MTMR7: variants seen among roughly 807,000 people sequenced by gnomAD.
MTMR7 encodes the protein phosphatidylinositol-3-phosphate phosphatase MTMR7.
A neutral mutation model predicts 81.2 loss-of-function variants in MTMR7; 76 were observed. The observed-to-expected ratio is 0.94, with a 90% CI of 0.78 to 1.13. The LOEUF is 1.13. Among genes scored for constraint, MTMR7 ranks in the 50% most tolerant of loss-of-function variants. MTMR7 has a pLI of 0.00. For missense variants in MTMR7, 1,044 were observed against 820.0 expected, an observed-to-expected ratio of 1.27 and a Z score of -3.34; for synonymous variants, 372 against 289.8, an observed-to-expected ratio of 1.28 and a Z score of -2.88.
chr8:17,342,686 G>A (rs762597113), intron 5 of MTMR7, among the ~76,000 whole-genome samples: 3 of 152,096 alleles, frequency 2.0e-5, no homozygotes, highest in Non-Finnish European at 4.4e-5. Flanking sequence ...ATTGTCTGAG[G>A]GCGCCAACAC....
chr8:17,328,933 T>G (rs978571851), intron 7 of MTMR7, among the ~76,000 whole-genome samples: 1 of 152,060 alleles, frequency 6.6e-6, no homozygotes, highest in Admixed American at 6.6e-5. Context: ...AATTAGATCA[T>G]CTCTATAGAG....
chr8:17,329,389 C>T (rs543483867), intron 7 of MTMR7, among the ~76,000 whole-genome samples: 1 of 152,322 alleles, frequency 6.6e-6, no homozygotes, highest in African/African-American at 2.4e-5. Context: ...GGAAAAGTTA[C>T]GTGCAAGCAC....
At chr8:17,331,519 G>A (rs998370891) in intron 6 of MTMR7, among the ~76,000 whole-genome samples, 1 of 152,194 alleles carries the variant, frequency 6.6e-6, no homozygotes, top group African/African-American at 2.4e-5. Flanking sequence ...TAGCTGGAAA[G>A]CAGTCTACTG....
At chr8:17,348,128 A>G (rs1563350460) in intron 5 of MTMR7, among the ~76,000 whole-genome samples, 1 of 152,340 alleles carries the variant, frequency 6.6e-6, no homozygotes, top group African/African-American at 2.4e-5. Context: ...TAGAGTCTCT[A>G]TTACAGACAA....
chr8:17,366,897 A>C (rs1466315497), intron 3 of MTMR7, among the ~76,000 whole-genome samples: 1 of 151,586 alleles, frequency 6.6e-6, no homozygotes, highest in Non-Finnish European at 1.5e-5. Context: ...AAAAAAAAAA[A>C]ACTGTAGCTG....
chr8:17,328,201 A>G lies in MTMR7; in HGVS notation c.865+2949T>C, dbSNP rs916609166. On this transcript the variant is annotated intron_variant, in intron 7 of 13. Transcript: ENST00000180173. ...ATGTCCCTGTTGCTTCTTTCCTATCAGTGCCTGCTGACCTTCAGGGCAGAT... is the reference window on the plus strand; with the variant it reads ...ATGTCCCTGTTGCTTCTTTCCTATCGGTGCCTGCTGACCTTCAGGGCAGAT... Among the ~76,000 whole-genome samples, 10 of 150,682 alleles carry G rather than the reference A, an allele frequency of 6.6e-5. No individual in the cohort carries two copies. In the East Asian group the frequency reaches 2.0e-3, roughly 30 times the overall value.
chr8:17,360,818 G>T (rs1820036224), intron 4 of MTMR7, among the ~76,000 whole-genome samples: 2 of 152,062 alleles, frequency 1.3e-5, no homozygotes, highest in African/African-American at 4.8e-5. Context: ...ATGAGATCCA[G>T]GCCAGCTCTC....
intron 4 of MTMR7, among the ~76,000 whole-genome samples, chr8:17,360,486 T>C (rs1253224728): frequency 2.6e-5 from 4 of 151,606 alleles, no homozygotes; most frequent in Non-Finnish European, 5.9e-5. Context: ...GGGTTTTTTT[T>C]TTTCCTTTTG....
At chr8:17,320,512 T>C (rs2150507669) in intron 7 of MTMR7, among the ~76,000 whole-genome samples, 1 of 152,162 alleles carries the variant, frequency 6.6e-6, no homozygotes, top group African/African-American at 2.4e-5. Flanking sequence ...CATGTAATCG[T>C]AGTAAGGAGG....
intron 7 of MTMR7, among the ~76,000 whole-genome samples, chr8:17,323,772 G>C (rs1223123580): frequency 6.6e-6 from 1 of 152,118 alleles, no homozygotes; most frequent in Non-Finnish European, 1.5e-5. Flanking sequence ...CCCACCTAGA[G>C]CCTTATGGAG....
chr8:17,376,435 T>C (rs1322546471), intron 1 of MTMR7, among the ~76,000 whole-genome samples: 3 of 152,232 alleles, frequency 2.0e-5, no homozygotes, highest in African/African-American at 4.8e-5. Flanking sequence ...TATGCTTTCA[T>C]TTATCTTGGC....
At chr8:17,317,659 A>G (rs941599334) in intron 7 of MTMR7, among the ~76,000 whole-genome samples, 3 of 152,168 alleles carry the variant, frequency 2.0e-5, no homozygotes, top group Non-Finnish European at 2.9e-5. Flanking sequence ...CTGGGACCCA[A>G]TGAACTGCTT....
chr8:17,325,262 G>A (rs777494292), intron 7 of MTMR7, among the ~76,000 whole-genome samples: 1 of 152,104 alleles, frequency 6.6e-6, no homozygotes, highest in Non-Finnish European at 1.5e-5. Context: ...CATCCAACAT[G>A]TGACCGTCAT....
At chr8:17,383,842 A>C (rs1198371138) in intron 1 of MTMR7, among the ~76,000 whole-genome samples, 1 of 152,170 alleles carries the variant, frequency 6.6e-6, no homozygotes, top group Non-Finnish European at 1.5e-5. Flanking sequence ...GCATGTTTCA[A>C]ATCGAAAGGT....
At chr8:17,326,934 A>T (rs1313001979) in intron 7 of MTMR7, among the ~76,000 whole-genome samples, 2 of 151,966 alleles carry the variant, frequency 1.3e-5, no homozygotes, top group Non-Finnish European at 2.9e-5. Flanking sequence ...TTTTGTAAAT[A>T]AAGAGGGAAA....
At chr8:17,331,745 G>T (rs1819014410) in intron 6 of MTMR7, among the ~76,000 whole-genome samples, 1 of 152,150 alleles carries the variant, frequency 6.6e-6, no homozygotes, top group Non-Finnish European at 1.5e-5. Context: ...AAATAGGAAT[G>T]GTTGCATCAT....
At chr8:17,348,406 T>C (rs771632210) in intron 5 of MTMR7, among the ~76,000 whole-genome samples, 24 of 151,248 alleles carry the variant, frequency 1.6e-4, no homozygotes, top group Non-Finnish European at 3.2e-4. Context: ...CAAAATTAGC[T>C]GGGCATGTTG....
chr8:17,399,337 A>G (rs1821354898), intron 1 of MTMR7, among the ~76,000 whole-genome samples: 1 of 152,210 alleles, frequency 6.6e-6, no homozygotes, highest in African/African-American at 2.4e-5. Context: ...GTATGCCAAC[A>G]GTGAACAATG....
chr8:17,350,418 C>T (rs62498859), intron 4 of MTMR7, among the ~76,000 whole-genome samples: 4,041 of 152,228 alleles, frequency 0.027, 90 homozygotes, highest in Non-Finnish European at 0.038. Flanking sequence ...GGCAAGACAG[C>T]GTGTGTAGGG....
Sources: gnomAD v4.1 joint callset for allele counts (sites outside exome capture counted in the v4.1 genomes callset) on GRCh38, gnomAD v4.1.1 for gene constraint, MANE v1.5 for transcripts, NCBI Gene and HGNC (gene_info 2026-07-23, HGNC 2026-07-21) for gene names.